The following ADGB variants were observed in gnomAD, a reference collection of about 807,000 sequenced individuals.
The protein encoded by ADGB is androglobin, also known as calpain-7-like protein.
A neutral mutation model predicts 210.5 loss-of-function variants in ADGB; 172 were observed. That is an observed-to-expected ratio of 0.82 (90% CI 0.72 to 0.93). The LOEUF (loss-of-function observed/expected upper bound fraction) is 0.93, where lower values mean the gene tolerates loss of function less well. ADGB is among the 40% of genes least tolerant of loss of function. The pLI is 0.00. For missense variants in ADGB, 2,025 were observed against 1,964.8 expected, an observed-to-expected ratio of 1.03 and a Z score of -0.58; for synonymous variants, 658 against 662.7, an observed-to-expected ratio of 0.99 and a Z score of 0.11.
At chr6:146,772,756 T>C (rs534596022) in intron 29 of ADGB, among the ~76,000 whole-genome samples, 2 of 151,476 alleles carry the variant, frequency 1.3e-5, no homozygotes, top group African/African-American at 4.8e-5. Context: ...ATATGTTGAG[T>C]GTGTTATGTA....
chr6:146,687,139 A>T (rs1220024707), intron 10 of ADGB, among the ~76,000 whole-genome samples: 1 of 152,114 alleles, frequency 6.6e-6, no homozygotes, highest in Non-Finnish European at 1.5e-5. Flanking sequence ...ACTATTTTTA[A>T]TCCAAAGTTA....
At chr6:146,626,555 A>G (rs1203741269) in intron 1 of ADGB, among the ~76,000 whole-genome samples, 2 of 151,870 alleles carry the variant, frequency 1.3e-5, no homozygotes, top group Non-Finnish European at 2.9e-5. Context: ...TCAGTATGAC[A>G]TATTTCTTCT....
chr6:146,646,607 G>C (rs1342341249), intron 3 of ADGB, among the ~76,000 whole-genome samples: 2 of 152,072 alleles, frequency 1.3e-5, no homozygotes, highest in Non-Finnish European at 2.9e-5. Context: ...ACCTTTCAGT[G>C]GGGTGAAGGT....
At chr6:146,772,391 T>C (rs1777663163) in intron 29 of ADGB, among the ~76,000 whole-genome samples, 1 of 143,664 alleles carries the variant, frequency 7.0e-6, no homozygotes, top group Non-Finnish European at 1.5e-5. Flanking sequence ...CTCAATACTA[T>C]TAAATTTAGT....
chr6:146,692,482 C>A lies in ADGB; in HGVS notation c.1487-343C>A, dbSNP rs1437190640. 4.0e-5 allele frequency among the ~76,000 whole-genome samples: 6 copies of A among 151,344 alleles called. No homozygotes were observed. The East Asian group carries it at 9.7e-4, about 24-fold the overall frequency. On this transcript the variant is annotated intron_variant, in intron 11 of 35. Transcript: ENST00000397944. Reference sequence around the variant, plus strand: ...GTGTTACAGAGGTTAACTAAGGGAACTTTTTTTTTAGTAAAAGACTTTTAT... The same window carrying A: ...GTGTTACAGAGGTTAACTAAGGGAAATTTTTTTTTAGTAAAAGACTTTTAT...
chr6:146,764,020 C>T lies in ADGB; in HGVS notation c.3670C>T (p.Gln1224Ter). The change falls in exon 28 of 36, where the codon CAA (glutamine) becomes TAA (stop). Residue 1224 changes from glutamine to a stop codon, truncating the protein, a stop_gained. Transcript: ENST00000397944. LOFTEE classifies it high-confidence loss of function. ...CAAGGGTAGAGCTGTAAGTGCAATA[C>T]AAGACATTGGTCTACCCCTTGTGGA... ...SPKGRAVSAI[Q>*]DIGLPLVEEE... 6.4e-7 allele frequency: 1 copy of T among 1,551,484 alleles called. No individual in the cohort carries two copies. Among genetic ancestry groups the T allele is most frequent in the South Asian group, 1.2e-5 (1 of 84,050 alleles).
intron 1 of ADGB, among the ~76,000 whole-genome samples, chr6:146,606,109 T>C (rs1361113549): frequency 1.3e-5 from 2 of 152,198 alleles, no homozygotes; most frequent in African/African-American, 4.8e-5. Flanking sequence ...CTTTTTATAA[T>C]ATCCATTCTT....
intron 3 of ADGB, among the ~76,000 whole-genome samples, chr6:146,646,867 T>C (rs1385508291): frequency 6.6e-6 from 1 of 151,846 alleles, no homozygotes; most frequent in African/African-American, 2.4e-5. Flanking sequence ...GGCAGGTGGA[T>C]CATTTAAGGC....
At chr6:146,659,370 A>T (rs1200001321) in intron 5 of ADGB, among the ~76,000 whole-genome samples, 1 of 152,226 alleles carries the variant, frequency 6.6e-6, no homozygotes, top group African/African-American at 2.4e-5. Context: ...CTTATGAGAC[A>T]TGATGAGTCT....
chr6:146,673,255 T>A (rs1165888799), intron 8 of ADGB, among the ~76,000 whole-genome samples: 2 of 152,210 alleles, frequency 1.3e-5, no homozygotes, highest in Admixed American at 6.5e-5. Context: ...CATCTGGACA[T>A]TCTTCTGTTG....
chr6:146,733,183 T>C lies in ADGB; in HGVS notation c.2584T>C (p.Phe862Leu), dbSNP rs1250385061. ...TCAAATAACAAAACCTCCTCCAAAC[T>C]TCAAATTTGCATTCCGGGCTATGGT... Reference protein sequence around the residue: ...KVQITKPPPNFKFAFRAMVLD... With the variant: ...KVQITKPPPNLKFAFRAMVLD... The change falls in exon 21 of 36, where the codon TTC (phenylalanine) becomes CTC (leucine). Residue 862 changes from phenylalanine to leucine, a missense_variant. Coordinates refer to ENST00000397944, the MANE Select transcript of ADGB (RefSeq NM_024694.4). 6.5e-7 allele frequency: 1 copy of C among 1,542,882 alleles called. No individual in the cohort carries two copies. The highest frequency in any genetic ancestry group is 8.8e-7 in the Non-Finnish European group (1 of 1,141,802).
chr6:146,600,278 C>T (rs1780533497), intron 1 of ADGB: 1 of 188,362 alleles, frequency 5.3e-6, no homozygotes, highest in South Asian at 8.3e-5. Context: ...TGCTTTACTT[C>T]TGTGTACCAA....
rs1296568338 is a variant in ADGB, at chr6:146,635,420, A to G, written c.120A>G (p.Gln40=). ...ATGTACAATCTGGTTCTACTGAACA[A>G]AAGAAGGGGAAATTCCCACTCTGGC... ...GSNVQSGSTE[Q]KKGKFPLWPE... The change falls in exon 2 of 36, where the codon CAA becomes CAG. Residue 40 remains glutamine, a synonymous_variant. Transcript: ENST00000397944. 6.5e-7 allele frequency: 1 copy of G among 1,547,454 alleles called. No individual in the cohort carries two copies. The highest frequency in any genetic ancestry group is 1.2e-5 in the South Asian group (1 of 83,404).
At chr6:146,706,619 T>A (rs984143931) in intron 13 of ADGB, among the ~76,000 whole-genome samples, 13 of 152,144 alleles carry the variant, frequency 8.5e-5, no homozygotes, top group African/African-American at 3.1e-4. Flanking sequence ...TGATTCAGTC[T>A]TGGTAACTTG....
rs1448253175 is a variant in ADGB, at chr6:146,788,385, G to T, written c.4316-4G>T. The T allele has an allele frequency of 6.4e-7, 1 of 1,550,780 alleles. No individual in the cohort carries two copies. The highest frequency in any genetic ancestry group is 2.4e-5 in the East Asian group (1 of 40,924). On this transcript the variant is annotated splice_polypyrimidine_tract_variant and splice_region_variant and intron_variant, in intron 32 of 35. Coordinates refer to ENST00000397944, the MANE Select transcript of ADGB (RefSeq NM_024694.4). The stretch of plus-strand genomic sequence containing the variant: ...TTTTCAGTAATGCACATGTCATGTT[G>T]TAGTAGAAACAGCTGCACGTGGCGT...
intron 25 of ADGB, among the ~76,000 whole-genome samples, chr6:146,742,314 C>G (rs1777173150): frequency 1.3e-5 from 2 of 151,640 alleles, no homozygotes; most frequent in Non-Finnish European, 2.9e-5. Flanking sequence ...GTATATGTTT[C>G]ATTAAACCCT....
At chr6:146,643,251 CATAT>C (rs1283299368) in intron 2 of ADGB, among the ~76,000 whole-genome samples, 1 of 151,084 alleles carries the variant, frequency 6.6e-6, no homozygotes, top group African/African-American at 2.5e-5. Flanking sequence ...TCCAGATAAA[CATAT>C]ATACTTATAA....
chr6:146,599,237 T>C (rs1362951477), intron 1 of ADGB, 123 bp downstream of exon 1: 6 of 846,730 alleles, frequency 7.1e-6, no homozygotes, highest in Non-Finnish European at 1.2e-5. Context: ...TCCTCGCAGC[T>C]TGTCTTCTCT....
At position 146,785,705 on chromosome 6, in the gene ADGB, A is replaced by G. The variant is rs259391; in HGVS notation, c.4308A>G (p.Lys1436=). 0.56 allele frequency: 859,187 copies of G among 1,546,516 alleles called. 241,486 individuals carry two copies. The highest frequency in any genetic ancestry group is 0.71 in the Admixed American group (36,024 of 50,926). Residue 1436 remains lysine, a synonymous_variant, in exon 32 of 36, where the codon AAA becomes AAG. Coordinates refer to ENST00000397944, the MANE Select transcript of ADGB (RefSeq NM_024694.4). The stretch of plus-strand genomic sequence containing the variant: ...TATCTGAAAGCCAAACTAAACCAAA[A>G]GAAGAAGGTGAGTGGATCCTACCAC... ...PPISESQTKP[K]EEVETAARGV...
Sources: allele counts gnomAD v4.1 joint callset (sites outside exome capture counted in the v4.1 genomes callset), GRCh38; gene constraint gnomAD v4.1.1; transcripts MANE v1.5; gene names NCBI Gene and HGNC (gene_info 2026-07-23, HGNC 2026-07-21).